WIPF2: variants seen among roughly 807,000 people sequenced by gnomAD.
WIPF2 encodes the protein WAS/WASL-interacting protein family member 2.
In WIPF2, 23 loss-of-function variants were observed where a neutral mutation model predicts 38.8. That is an observed-to-expected ratio of 0.59 (90% CI 0.43 to 0.84). The LOEUF (loss-of-function observed/expected upper bound fraction) is 0.84, where lower values mean the gene tolerates loss of function less well. Ranked by LOEUF, WIPF2 falls within the 40% of genes least tolerant of loss-of-function variation. WIPF2 has a pLI of 0.00. For missense variants in WIPF2, 574 were observed against 580.5 expected (o/e 0.99, Z 0.11); for synonymous variants, 210 against 223.2 (o/e 0.94, Z 0.53).
In WIPF2 at chr17:40,280,835, C is replaced by G. The variant is rs2032531526; in HGVS notation, c.*2610C>G. 1 of 152,340 alleles carries G rather than the reference C, an allele frequency of 6.6e-6. No homozygotes were observed. The highest frequency in any genetic ancestry group is 2.1e-4 in the South Asian group (1 of 4,822). 9.4% of individuals were successfully genotyped at this position (152,340 alleles called of 1,614,324 possible). On this transcript the variant is annotated 3_prime_UTR_variant, in exon 8 of 8. Coordinates refer to ENST00000323571, the MANE Select transcript of WIPF2 (RefSeq NM_133264.5). ...GTATACTTGTTGTCTTGGCCTCATG[C>G]AAAAAGGCCTGGGTCTAGATCTAGT...
chr17:40,246,606 A>G (rs934059179), intron 1 of WIPF2, among the ~76,000 whole-genome samples: 6 of 151,288 alleles, frequency 4.0e-5, no homozygotes, highest in Non-Finnish European at 8.8e-5. Flanking sequence ...TATGTTGGCC[A>G]GGTTGGTCTT....
intron 1 of WIPF2, among the ~76,000 whole-genome samples, chr17:40,237,896 CAAAAAAA>C (rs758183706): frequency 9.4e-6 from 1 of 106,006 alleles, no homozygotes; most frequent in African/African-American, 3.7e-5. Flanking sequence ...ACTAAAATAC[CAAAAAAA>C]AAAAAAAAAA....
intron 2 of WIPF2, 121 bp downstream of exon 2, chr17:40,256,643 G>A (rs1475237051): frequency 3.0e-6 from 4 of 1,313,922 alleles, no homozygotes; most frequent in South Asian, 1.6e-5. Flanking sequence ...CCTACTAGTA[G>A]CATTCCTATT....
chr17:40,248,672 A>G (rs1025711479), intron 1 of WIPF2, among the ~76,000 whole-genome samples: 3 of 152,152 alleles, frequency 2.0e-5, no homozygotes, highest in Non-Finnish European at 2.9e-5. Flanking sequence ...GATTTGAACT[A>G]TGGGATCAGA....
chr17:40,246,639 C>T (rs1007037680), intron 1 of WIPF2, among the ~76,000 whole-genome samples: 6 of 146,740 alleles, frequency 4.1e-5, no homozygotes, highest in South Asian at 2.2e-4. Context: ...TCAAATGATC[C>T]GCCTGCCTTA....
chr17:40,264,652 T>C lies in WIPF2; in HGVS notation c.476T>C (p.Leu159Pro). The change falls in exon 5 of 8, where the codon CTC (leucine) becomes CCC (proline). Residue 159 changes from leucine (L) to proline (P), a missense_variant. Physicochemically the swap from Leu to Pro is moderately conservative, Grantham distance 98. Transcript: ENST00000323571. ...ATGCAGAGACCCTCTTTACCGGACC[T>C]CTCTCGGCCTAATACCACCAGCAGT... ...PRMQRPSLPD[L>P]SRPNTTSSTG... The C allele has an allele frequency of 1.2e-6, 2 of 1,613,630 alleles. No individual in the cohort carries two copies. The highest frequency in any genetic ancestry group is 2.2e-5 in the South Asian group (2 of 91,022).
rs547084053 is a variant in WIPF2, at chr17:40,221,557, T to C, written c.-70+2065T>C. On this transcript the variant is annotated intron_variant, in intron 1 of 7. Coordinates refer to ENST00000323571, the MANE Select transcript of WIPF2 (RefSeq NM_133264.5). The stretch of plus-strand genomic sequence containing the variant: ...GAGACCATTCTGGGCAACGTAGCAA[T>C]ACCCCATCTCTCTCTCTGTCTCTTT... Among the ~76,000 whole-genome samples, 27 of 151,840 alleles carry C rather than the reference T, an allele frequency of 1.8e-4. 1 individual carries two copies. In the South Asian group the frequency reaches 5.6e-3, roughly 32 times the overall value.
intron 6 of WIPF2, among the ~76,000 whole-genome samples, chr17:40,275,148 G>A (rs1442300931): frequency 1.3e-5 from 2 of 150,106 alleles, no homozygotes; most frequent in African/African-American, 2.5e-5. Flanking sequence ...GGCTGAGGCA[G>A]GAGAATCTCT....
At chr17:40,232,437 G>A (rs1403843498) in intron 1 of WIPF2, among the ~76,000 whole-genome samples, 3 of 150,074 alleles carry the variant, frequency 2.0e-5, no homozygotes, top group Non-Finnish European at 3.0e-5. Flanking sequence ...CAGTCCACCC[G>A]CCTTGGCCTC....
intron 1 of WIPF2, among the ~76,000 whole-genome samples, chr17:40,228,534 T>C (rs1389158673): frequency 6.6e-6 from 1 of 152,158 alleles, no homozygotes; most frequent in Non-Finnish European, 1.5e-5. Context: ...ATGTTCGTTA[T>C]TCATTTATTC....
In WIPF2 at chr17:40,283,133, C is replaced by CTGAGATCA. The variant is rs1296315033; in HGVS notation, c.*4911_*4918dup. The CTGAGATCA allele has an allele frequency of 5.6e-5, 6 of 106,330 alleles. No homozygotes were observed. The Admixed American group carries it at 7.8e-4, about 14-fold the overall frequency. The allele number at this position is 106,330 out of a possible 1,614,324, so 6.6% of individuals were successfully genotyped here. On this transcript the variant is annotated 3_prime_UTR_variant, in exon 8 of 8. Coordinates refer to ENST00000323571, the MANE Select transcript of WIPF2 (RefSeq NM_133264.5). ...CCCAGGAGGCGGAGGTTGCACTGAG[C>CTGAGATCA]TGAGATCATGCCACTGCACTAAAAA...
intron 1 of WIPF2, among the ~76,000 whole-genome samples, chr17:40,226,730 T>A (rs906366372): frequency 5.5e-4 from 84 of 152,296 alleles, no homozygotes; most frequent in African/African-American, 1.7e-3. Context: ...TTTATTTTTT[T>A]AATTTTTTAA....
At position 40,268,837 on chromosome 17, in the gene WIPF2, TGATTCTCTTTTCTCACC is replaced by T. The variant is rs1218760946; in HGVS notation, c.970+3709_970+3725del. ...TGTTGTGTGACATTGGACAGATCAC[TGATTCTCTTTTCTCACC>T]GATTCTCTTTTCTCACCTGTAAAAT... On this transcript the variant is annotated intron_variant, in intron 5 of 7. Transcript: ENST00000323571. Among the ~76,000 whole-genome samples, 16 of 152,344 alleles carry T rather than the reference TGATTCTCTTTTCTCACC, an allele frequency of 1.1e-4. No homozygotes were observed. In the East Asian group the frequency reaches 1.3e-3, roughly 13 times the overall value.
rs2032308777 is a variant in WIPF2, at chr17:40,273,770, A to T, written c.971-20A>T. 1 of 1,566,850 alleles carries T rather than the reference A, an allele frequency of 6.4e-7. No homozygotes were observed. Among genetic ancestry groups the T allele is most frequent in the Non-Finnish European group, 8.8e-7 (1 of 1,139,008 alleles). ...GCCGTCTCCACATCCAAACCTAACTACTTTGGATTTTAATTGCAGCTCCTC... is the reference window on the plus strand; with the variant it reads ...GCCGTCTCCACATCCAAACCTAACTTCTTTGGATTTTAATTGCAGCTCCTC... On this transcript the variant is annotated intron_variant, in intron 5 of 7. Transcript: ENST00000323571.
chr17:40,266,704 A>G (rs569151602), intron 5 of WIPF2, among the ~76,000 whole-genome samples: 51 of 152,212 alleles, frequency 3.4e-4, no homozygotes, highest in Admixed American at 5.9e-4. Flanking sequence ...TGGGAGACCT[A>G]TTTGTATGCT....
chr17:40,260,752 C>T (rs555136014), intron 3 of WIPF2, 85 bp downstream of exon 3: 1 of 1,572,870 alleles, frequency 6.4e-7, no homozygotes, highest in Admixed American at 1.7e-5. Context: ...TTTTATTGGG[C>T]CTTGAGTGGG....
intron 1 of WIPF2, among the ~76,000 whole-genome samples, chr17:40,240,068 CT>C (rs548168361): frequency 2.4e-4 from 34 of 142,386 alleles, no homozygotes; most frequent in East Asian, 6.2e-4. Flanking sequence ...ACAGACTTTT[CT>C]TTTTTTTTTT....
At chr17:40,236,201 CG>C (rs1475459109) in intron 1 of WIPF2, among the ~76,000 whole-genome samples, 1 of 149,920 alleles carries the variant, frequency 6.7e-6, no homozygotes, top group Admixed American at 6.7e-5. Flanking sequence ...CTCCTGACCT[CG>C]GGGTGATCCA....
At chr17:40,271,505 T>TA (rs915657619) in intron 5 of WIPF2, among the ~76,000 whole-genome samples, 333 of 141,846 alleles carry the variant, frequency 2.3e-3, no homozygotes, top group Middle Eastern at 3.8e-3. Flanking sequence ...CCCTGTCTCT[T>TA]AAAAAAAAAA....
Sources: allele counts gnomAD v4.1 joint callset (sites outside exome capture counted in the v4.1 genomes callset), GRCh38; gene constraint gnomAD v4.1.1; transcripts MANE v1.5; gene names NCBI Gene and HGNC (gene_info 2026-07-23, HGNC 2026-07-21).